Variants in ADCY8 observed in about 807,000 individuals in gnomAD.
ADCY8 encodes the protein adenylate cyclase 8, also known as adenylate cyclase type 8.
In ADCY8, 51 loss-of-function variants were observed where a neutral mutation model predicts 119.7. The ratio of observed to expected loss-of-function variants is 0.43; its 90% CI spans 0.34 to 0.54. The LOEUF (loss-of-function observed/expected upper bound fraction) is 0.54, where lower values mean the gene tolerates loss of function less well. Among genes scored for constraint, ADCY8 ranks in the 20% least tolerant of loss-of-function variants. The pLI, the probability that ADCY8 is intolerant of heterozygous loss-of-function variation, is 0.03. For synonymous variants in ADCY8, 665 were observed against 651.0 expected, an observed-to-expected ratio of 1.02 and a Z score of -0.33; for missense variants, 1,383 against 1,598.8, an observed-to-expected ratio of 0.87 and a Z score of 2.30.
At chr8:131,038,950 T>C (rs1014173823) in intron 1 of ADCY8, among the ~76,000 whole-genome samples, 2 of 152,140 alleles carry the variant, frequency 1.3e-5, no homozygotes, top group Admixed American at 6.5e-5. Context: ...AACCCAACTC[T>C]GAAGCCCAGA....
chr8:130,835,789 G>T (rs1816967408), intron 12 of ADCY8, among the ~76,000 whole-genome samples: 3 of 152,012 alleles, frequency 2.0e-5, no homozygotes. Context: ...TATGTAAATA[G>T]TTGTTAAACT....
In ADCY8 at chr8:131,039,847, AT is replaced by A. The variant is rs1376495418; in HGVS notation, c.486del (p.Lys162AsnfsTer23). The part of the protein sequence containing the change: ...VIFPTLRNSF[K>X]SRDLERLYQR... Reference sequence around the variant, plus strand: ...TGGTAGAGGCGTTCCAAATCCCGAGATTTGAAGGAGTTGCGCAGGGTGGGGA... The same window carrying A: ...TGGTAGAGGCGTTCCAAATCCCGAGATTGAAGGAGTTGCGCAGGGTGGGGA... On this transcript the variant is annotated frameshift_variant, in exon 1 of 18. Coordinates refer to ENST00000286355, the MANE Select transcript of ADCY8 (RefSeq NM_001115.3). LOFTEE classifies it high-confidence loss of function. 1 of 1,614,112 alleles carries A rather than the reference AT, an allele frequency of 6.2e-7. No individual in the cohort carries two copies. The highest frequency in any genetic ancestry group is 8.5e-7 in the Non-Finnish European group (1 of 1,179,998).
chr8:131,025,607 A>G (rs961127219), intron 1 of ADCY8, among the ~76,000 whole-genome samples: 10 of 152,074 alleles, frequency 6.6e-5, no homozygotes, highest in African/African-American at 1.9e-4. Flanking sequence ...TAAATAAAAC[A>G]TAATTCCAAT....
Position 130,873,395 on chromosome 8 carries a change from C to T in ADCY8, c.2110-5449G>A, listed in dbSNP as rs566775845. Among the ~76,000 whole-genome samples the T allele has an allele frequency of 5.9e-5, 9 of 151,820 alleles. No individual in the cohort carries two copies. The South Asian group carries it at 1.0e-3, about 18-fold the overall frequency. On this transcript the variant is annotated intron_variant, in intron 8 of 17. Coordinates refer to ENST00000286355, the MANE Select transcript of ADCY8 (RefSeq NM_001115.3). ...ATGCAATGGTGTGATCTCGGCTCAG[C>T]GCAACCTCCACCTTGCAGGTTCAAG...
intron 2 of ADCY8, among the ~76,000 whole-genome samples, chr8:130,962,801 T>C (rs1821644095): frequency 6.6e-6 from 1 of 152,208 alleles, no homozygotes; most frequent in African/African-American, 2.4e-5. Flanking sequence ...AGACTTCTTA[T>C]TAATCTCTTT....
intron 12 of ADCY8, among the ~76,000 whole-genome samples, chr8:130,824,742 T>A (rs530070218): frequency 6.6e-6 from 1 of 152,350 alleles, no homozygotes; most frequent in South Asian, 2.1e-4. Flanking sequence ...ACTGGTTCAA[T>A]AATTTGTGGA....
chr8:130,915,208 G>A (rs1820091039), intron 5 of ADCY8, among the ~76,000 whole-genome samples: 2 of 152,076 alleles, frequency 1.3e-5, no homozygotes, highest in South Asian at 4.1e-4. Context: ...ACCAAAGATT[G>A]ACAACATTAT....
intron 4 of ADCY8, 34 bp downstream of exon 4, chr8:130,943,317 G>T: frequency 6.7e-7 from 1 of 1,486,802 alleles, no homozygotes; most frequent in Non-Finnish European, 9.4e-7. Flanking sequence ...CCTCACTCCT[G>T]CAAAAGACGA....
At chr8:130,880,858 A>C (rs2130446279) in intron 8 of ADCY8, among the ~76,000 whole-genome samples, 1 of 152,310 alleles carries the variant, frequency 6.6e-6, no homozygotes, top group South Asian at 2.1e-4. Flanking sequence ...GGCCACCATG[A>C]TCATAGGAAA....
chr8:131,017,293 C>T (rs1166110481), intron 1 of ADCY8, among the ~76,000 whole-genome samples: 3 of 152,084 alleles, frequency 2.0e-5, no homozygotes, highest in East Asian at 1.9e-4. Context: ...TGGTCTCGAA[C>T]TTTTGATCTC....
chr8:130,814,023 A>G (rs777504262), intron 14 of ADCY8, 46 bp downstream of exon 14: 2 of 1,608,134 alleles, frequency 1.2e-6, no homozygotes, highest in Non-Finnish European at 1.7e-6. Context: ...ACTGCACATC[A>G]CCCACCACCA....
chr8:130,799,748 G>T (rs1010541284), intron 15 of ADCY8, among the ~76,000 whole-genome samples: 11 of 152,210 alleles, frequency 7.2e-5, no homozygotes, highest in Admixed American at 1.3e-4. Context: ...TTATGTGCCT[G>T]AGTTCCCTCT....
At chr8:130,874,361 C>T (rs1818482744) in intron 8 of ADCY8, among the ~76,000 whole-genome samples, 1 of 145,700 alleles carries the variant, frequency 6.9e-6, no homozygotes, top group Non-Finnish European at 1.5e-5. Flanking sequence ...AAATAAAATA[C>T]ACCATTTGGA....
intron 1 of ADCY8, among the ~76,000 whole-genome samples, chr8:131,013,635 AG>A (rs1004639954): frequency 6.6e-6 from 1 of 152,172 alleles, no homozygotes; most frequent in African/African-American, 2.4e-5. Context: ...GCAGTTCCTA[AG>A]GAAGTTTTTG....
At chr8:131,021,528 CTG>C (rs1194885685) in intron 1 of ADCY8, among the ~76,000 whole-genome samples, 1 of 152,170 alleles carries the variant, frequency 6.6e-6, no homozygotes, top group African/African-American at 2.4e-5. Flanking sequence ...TATGGTTTGG[CTG>C]TGTACCCACT....
chr8:130,868,360 CT>C (rs11368798), intron 8 of ADCY8, among the ~76,000 whole-genome samples: 4 of 151,750 alleles, frequency 2.6e-5, no homozygotes, highest in African/African-American at 9.7e-5. Context: ...TTTCTGCCTC[CT>C]TTTTTTTATT....
chr8:130,829,402 G>A (rs1473912555), intron 12 of ADCY8, among the ~76,000 whole-genome samples: 1 of 151,874 alleles, frequency 6.6e-6, no homozygotes, highest in Non-Finnish European at 1.5e-5. Flanking sequence ...TTTAGATTGT[G>A]AACTGTAAAC....
At chr8:130,962,403 T>G (rs2130685927) in intron 2 of ADCY8, among the ~76,000 whole-genome samples, 1 of 152,340 alleles carries the variant, frequency 6.6e-6, no homozygotes, top group African/African-American at 2.4e-5. Flanking sequence ...GGAGCCAGAC[T>G]GTGGCCCTGG....
At chr8:130,982,900 T>C (rs1822281496) in intron 2 of ADCY8, among the ~76,000 whole-genome samples, 1 of 152,224 alleles carries the variant, frequency 6.6e-6, no homozygotes, top group Non-Finnish European at 1.5e-5. Context: ...TGTCTCATTT[T>C]AAAACAGGCA....
Sources: allele counts gnomAD v4.1 joint callset (sites outside exome capture counted in the v4.1 genomes callset), GRCh38; gene constraint gnomAD v4.1.1; transcripts MANE v1.5; gene names NCBI Gene and HGNC (gene_info 2026-07-23, HGNC 2026-07-21).